Variants in FRMD4A observed in about 807,000 individuals in gnomAD.
FRMD4A encodes FERM domain containing 4A.
A neutral mutation model predicts 129.1 loss-of-function variants in FRMD4A; 29 were observed. That is an observed-to-expected ratio of 0.22 (90% CI 0.17 to 0.31). The LOEUF (loss-of-function observed/expected upper bound fraction) is 0.31. Among genes scored for constraint, FRMD4A ranks in the 10% least tolerant of loss-of-function variants. The pLI, the probability that FRMD4A is intolerant of heterozygous loss-of-function variation, is 1.00. For missense variants in FRMD4A, 1,272 were observed against 1,375.8 expected, an observed-to-expected ratio of 0.92 and a Z score of 1.19; for synonymous variants, 634 against 571.6, an observed-to-expected ratio of 1.11 and a Z score of -1.56.
At chr10:14,059,260 A>G (rs1308393602) in intron 2 of FRMD4A, among the ~76,000 whole-genome samples, 1 of 152,164 alleles carries the variant, frequency 6.6e-6, no homozygotes, top group Non-Finnish European at 1.5e-5. Flanking sequence ...TAAATGAAGA[A>G]TAATGTACAG....
intron 2 of FRMD4A, among the ~76,000 whole-genome samples, chr10:14,205,903 A>G (rs1425750439): frequency 6.6e-6 from 1 of 150,762 alleles, no homozygotes; most frequent in Non-Finnish European, 1.5e-5. Context: ...TTACCTGCCT[A>G]CTCTTTAAAG....
chr10:13,855,957 C>G (rs564683763), intron 3 of FRMD4A, among the ~76,000 whole-genome samples: 1 of 151,756 alleles, frequency 6.6e-6, no homozygotes, highest in African/African-American at 2.4e-5. Context: ...AATTTAGAAC[C>G]TTTCCATATA....
intron 2 of FRMD4A, among the ~76,000 whole-genome samples, chr10:14,215,906 G>C (rs1025211873): frequency 1.3e-5 from 2 of 152,060 alleles, no homozygotes; most frequent in African/African-American, 4.8e-5. Flanking sequence ...ATGTCGAAGG[G>C]GAAATAATCT....
At chr10:14,311,849 T>C (rs1487474607) in intron 2 of FRMD4A, among the ~76,000 whole-genome samples, 1 of 152,170 alleles carries the variant, frequency 6.6e-6, no homozygotes, top group Non-Finnish European at 1.5e-5. Context: ...TTCCATTTCA[T>C]CTGGCCTTTT....
At chr10:13,734,572 C>T (rs2090512924) in intron 12 of FRMD4A, among the ~76,000 whole-genome samples, 1 of 152,154 alleles carries the variant, frequency 6.6e-6, no homozygotes, top group Non-Finnish European at 1.5e-5. Context: ...CCTCCCCGCC[C>T]CATTCCTCCG....
Position 13,982,197 on chromosome 10 carries a change from T to C in FRMD4A, c.46-123285A>G, listed in dbSNP as rs963298373. On this transcript the variant is annotated intron_variant, in intron 2 of 24. Coordinates refer to ENST00000357447, the MANE Select transcript of FRMD4A (RefSeq NM_018027.5). ...TATGTTAAAGCTAAACACAAAGAAA[T>C]TCTCAGCTGGGCATAGTGGCTCATG... 4.0e-5 allele frequency among the ~76,000 whole-genome samples: 6 copies of C among 151,870 alleles called. No homozygotes were observed. In the East Asian group the frequency reaches 1.2e-3, roughly 30 times the overall value.
intron 2 of FRMD4A, among the ~76,000 whole-genome samples, chr10:14,311,966 T>C (rs1846564920): frequency 6.6e-6 from 1 of 152,184 alleles, no homozygotes; most frequent in Non-Finnish European, 1.5e-5. Context: ...TCCCTGGTGT[T>C]AAACAATTAC....
At chr10:14,197,607 C>T (rs1309597796) in intron 2 of FRMD4A, among the ~76,000 whole-genome samples, 1 of 152,204 alleles carries the variant, frequency 6.6e-6, no homozygotes, top group Non-Finnish European at 1.5e-5. Context: ...GTGATCCGCC[C>T]ACCTCTGCCT....
intron 2 of FRMD4A, among the ~76,000 whole-genome samples, chr10:14,082,350 A>G (rs1034878109): frequency 1.3e-5 from 2 of 152,224 alleles, no homozygotes; most frequent in African/African-American, 4.8e-5. Context: ...AAGTAATTTC[A>G]GATAGAACTA....
rs2094025950 is a variant in FRMD4A at position 13,845,220 on chromosome 10, C to T, written c.111+13627G>A. On this transcript the variant is annotated intron_variant, in intron 3 of 24. Transcript: ENST00000357447. ...GATGGTAATCTGAACTCAGTATGAA[C>T]ACATGTGCATATATATTCTGCCTGT... Among the ~76,000 whole-genome samples the T allele has an allele frequency of 2.6e-5, 4 of 152,168 alleles. No individual in the cohort carries two copies. In the South Asian group the frequency reaches 8.3e-4, roughly 32 times the overall value.
At chr10:13,887,802 T>C (rs1239622057) in intron 2 of FRMD4A, among the ~76,000 whole-genome samples, 1 of 152,044 alleles carries the variant, frequency 6.6e-6, no homozygotes, top group East Asian at 1.9e-4. Flanking sequence ...AGAGGAACAG[T>C]GATAGGGATT....
At chr10:14,192,887 A>G (rs907648751) in intron 2 of FRMD4A, among the ~76,000 whole-genome samples, 30 of 152,362 alleles carry the variant, frequency 2.0e-4, no homozygotes, top group African/African-American at 7.2e-4. Context: ...TTCTAATCAC[A>G]CCAATAGGGT....
intron 2 of FRMD4A, among the ~76,000 whole-genome samples, chr10:13,892,801 G>A (rs1306111836): frequency 6.6e-6 from 1 of 152,108 alleles, no homozygotes; most frequent in Non-Finnish European, 1.5e-5. Flanking sequence ...AGACCGGTAG[G>A]CTCTGAGGAC....
chr10:14,024,565 C>T (rs906265403), intron 2 of FRMD4A, among the ~76,000 whole-genome samples: 2 of 152,224 alleles, frequency 1.3e-5, no homozygotes, highest in Non-Finnish European at 2.9e-5. Flanking sequence ...GAAAGCAGAA[C>T]ATCGCAGGCT....
chr10:13,794,637 G>A (rs1177746838), intron 5 of FRMD4A, among the ~76,000 whole-genome samples: 1 of 152,218 alleles, frequency 6.6e-6, no homozygotes, highest in Non-Finnish European at 1.5e-5. Context: ...ATAGGAGCTG[G>A]AGAAGGAGCA....
At chr10:13,669,292 C>A (rs374719565) in intron 17 of FRMD4A, among the ~76,000 whole-genome samples, 6 of 152,242 alleles carry the variant, frequency 3.9e-5, no homozygotes, top group East Asian at 1.9e-4. Flanking sequence ...GAACTCCTGA[C>A]CTCAAGTGAT....
intron 2 of FRMD4A, among the ~76,000 whole-genome samples, chr10:14,204,829 CGA>C (rs1203985473): frequency 6.6e-6 from 1 of 152,060 alleles, no homozygotes; most frequent in African/African-American, 2.4e-5. Flanking sequence ...CTTTCATACC[CGA>C]GATAACCCAG....
rs964022699 is a variant in FRMD4A, at chr10:13,821,941, T to C, written c.112-11033A>G. Among the ~76,000 whole-genome samples, 1 of 152,092 alleles carries C rather than the reference T, an allele frequency of 6.6e-6. No individual in the cohort carries two copies. The highest frequency in any genetic ancestry group is 6.5e-5 in the Admixed American group (1 of 15,272). On this transcript the variant is annotated intron_variant, in intron 3 of 24. Coordinates refer to ENST00000357447, the MANE Select transcript of FRMD4A (RefSeq NM_018027.5). The surrounding 1 kb of genome is among the most constrained non-coding windows in gnomAD (Gnocchi z 4.3). ...CACCTCCATCCTTTGCCCCCGCTAA[T>C]GTTACACTTAGGGGACAGAGCAGGT...
chr10:14,068,025 C>T (rs1025069811), intron 2 of FRMD4A, among the ~76,000 whole-genome samples: 1 of 152,182 alleles, frequency 6.6e-6, no homozygotes, highest in Non-Finnish European at 1.5e-5. Flanking sequence ...ATCAAAATGC[C>T]ATTCTATCTG....
Sources: allele counts gnomAD v4.1 joint callset (sites outside exome capture counted in the v4.1 genomes callset), GRCh38; gene constraint gnomAD v4.1.1; non-coding constraint Gnocchi (gnomAD v3.1); transcripts MANE v1.5; gene names NCBI Gene and HGNC (gene_info 2026-07-23, HGNC 2026-07-21).